Variants in WBP2NL observed in about 807,000 individuals in gnomAD.
WBP2NL encodes WBP2 N-terminal like.
A neutral mutation model predicts 23.3 loss-of-function variants in WBP2NL; 27 were observed. The observed-to-expected ratio is 1.16, with a 90% CI of 0.85 to 1.60. The LOEUF (loss-of-function observed/expected upper bound fraction) is 1.60. WBP2NL is among the 40% of genes most tolerant of loss of function. The pLI is 0.00. For synonymous variants in WBP2NL, 151 were observed against 145.9 expected, an observed-to-expected ratio of 1.03 and a Z score of -0.25; for missense variants, 370 against 389.5, an observed-to-expected ratio of 0.95 and a Z score of 0.42.
rs1051802687 is a variant in WBP2NL at position 41,998,797 on chromosome 22, G to A, written c.-22G>A. The A allele has an allele frequency of 1.2e-5, 19 of 1,605,144 alleles. No individual in the cohort carries two copies. In the East Asian group the frequency reaches 1.8e-4, roughly 15 times the overall value. Reference sequence around the variant, plus strand: ...GGTCCCGCCCCTTTCCATCTACGGGGCGGCAGGAGGCCCGAAGCAAGATGG... The same window carrying A: ...GGTCCCGCCCCTTTCCATCTACGGGACGGCAGGAGGCCCGAAGCAAGATGG... On this transcript the variant is annotated 5_prime_UTR_variant, in exon 1 of 6. Coordinates refer to ENST00000328823, the MANE Select transcript of WBP2NL (RefSeq NM_152613.3).
intron 8 of WBP2NL, among the ~76,000 whole-genome samples, chr22:42,056,003 C>T (rs1005937594): frequency 2.0e-5 from 3 of 148,812 alleles, no homozygotes; most frequent in African/African-American, 7.8e-5. Context: ...TGCATTCTGT[C>T]GATCTATGTT....
At chr22:42,043,943 T>C (rs564240190) in intron 8 of WBP2NL, among the ~76,000 whole-genome samples, 3 of 152,330 alleles carry the variant, frequency 2.0e-5, no homozygotes, top group African/African-American at 7.2e-5. Context: ...GCCAGGCTGG[T>C]CTTGAACTAC....
chr22:42,003,543 TA>T (rs1921914930), intron 1 of WBP2NL: 2 of 150,396 alleles, frequency 1.3e-5, no homozygotes, highest in Non-Finnish European at 2.9e-5. Flanking sequence ...AAATTTTTTT[TA>T]AAAAAAGAAA....
In WBP2NL at chr22:42,022,238, T is replaced by C. The variant is rs763061096; in HGVS notation, c.407-11T>C. 2 of 1,613,938 alleles carry C rather than the reference T, an allele frequency of 1.2e-6. No homozygotes were observed. The highest frequency in any genetic ancestry group is 4.5e-5 in the East Asian group (2 of 44,884). Reference sequence around the variant, plus strand: ...AAAAGAGTTCCTATTTTGCCAAATTTGTCTTTCCAGCTGCCCGAGGATTTC... The same window carrying C: ...AAAAGAGTTCCTATTTTGCCAAATTCGTCTTTCCAGCTGCCCGAGGATTTC... On this transcript the variant is annotated splice_polypyrimidine_tract_variant and intron_variant, in intron 4 of 5. Transcript: ENST00000328823.
At chr22:42,011,779 G>T (rs1367101405) in intron 1 of WBP2NL, among the ~76,000 whole-genome samples, 1 of 150,686 alleles carries the variant, frequency 6.6e-6, no homozygotes, top group Non-Finnish European at 1.5e-5. Flanking sequence ...TTTTCTTGTT[G>T]TTGTTGTTTT....
At chr22:42,004,899 G>C (rs1194192611) in intron 1 of WBP2NL, among the ~76,000 whole-genome samples, 1 of 151,752 alleles carries the variant, frequency 6.6e-6, no homozygotes, top group Non-Finnish European at 1.5e-5. Context: ...ATTCCAGCCT[G>C]GTCAACAAGA....
chr22:42,013,694 C>T (rs939590582), intron 1 of WBP2NL, among the ~76,000 whole-genome samples: 1 of 151,832 alleles, frequency 6.6e-6, no homozygotes, highest in East Asian at 1.9e-4. Context: ...ACTGCAGCCT[C>T]GACATCCCAG....
chr22:42,001,550 C>T lies in WBP2NL; in HGVS notation c.62+2670C>T, dbSNP rs1056119297. On this transcript the variant is annotated intron_variant, in intron 1 of 5. Coordinates refer to ENST00000328823, the MANE Select transcript of WBP2NL (RefSeq NM_152613.3). ...AGCTTTGCCCACATCAGCTGCTACA[C>T]GAGTATGGGCAAAATCAAGAGGGTA... 7.1e-6 allele frequency: 8 copies of T among 1,123,492 alleles called. No individual in the cohort carries two copies. The African/African-American group carries it at 7.7e-5, about 11-fold the overall frequency. 69.6% of individuals were successfully genotyped at this position (1,123,492 alleles called of 1,614,324 possible).
intron 1 of WBP2NL, among the ~76,000 whole-genome samples, chr22:42,012,848 T>C (rs1208449860): frequency 1.3e-5 from 2 of 151,748 alleles, no homozygotes. Flanking sequence ...AAAAATTAGT[T>C]GGGCGTGGTG....
chr22:42,001,235 C>T, intron 1 of WBP2NL: 1 of 699,552 alleles, frequency 1.4e-6, no homozygotes, highest in Non-Finnish European at 2.6e-6. Context: ...AGTTCCTTTG[C>T]ATCCTGACTG....
downstream of WBP2NL, among the ~76,000 whole-genome samples, chr22:42,035,743 T>G (rs1398879744): frequency 6.6e-6 from 1 of 152,206 alleles, no homozygotes; most frequent in African/African-American, 2.4e-5. Flanking sequence ...GACCATCACA[T>G]TCCAACTAAT....
intron 1 of WBP2NL, among the ~76,000 whole-genome samples, chr22:42,018,653 A>G (rs1398900364): frequency 6.6e-6 from 1 of 152,126 alleles, no homozygotes; most frequent in Non-Finnish European, 1.5e-5. Flanking sequence ...CTGCTGCCTT[A>G]CTTTCTTTAC....
chr22:42,028,102 A>G lies in WBP2NL; in HGVS notation c.*921A>G, dbSNP rs1057032219. On this transcript the variant is annotated 3_prime_UTR_variant, in exon 6 of 6. Coordinates refer to ENST00000328823, the MANE Select transcript of WBP2NL (RefSeq NM_152613.3). ...AAGATGCATGTGGGAAGATTTCATT[A>G]TATTCATTGTTTCTAACAGCACAAA... 2.0e-5 allele frequency: 8 copies of G among 398,410 alleles called. No individual in the cohort carries two copies. Among genetic ancestry groups the G allele is most frequent in the Non-Finnish European group, 3.1e-5 (7 of 226,018 alleles). The allele number at this position is 398,410 out of a possible 1,614,324, so 24.7% of individuals were successfully genotyped here. A position where few individuals can be genotyped will look rare whatever the true frequency, so the allele number is the denominator to read the frequency against.
At chr22:42,017,306 G>A (rs1923395143) in intron 1 of WBP2NL, among the ~76,000 whole-genome samples, 1 of 152,036 alleles carries the variant, frequency 6.6e-6, no homozygotes, top group Admixed American at 6.6e-5. Flanking sequence ...GTAGAGATGG[G>A]GTTTCACCAT....
At chr22:42,008,395 C>T (rs1469032936) in intron 1 of WBP2NL, among the ~76,000 whole-genome samples, 5 of 151,218 alleles carry the variant, frequency 3.3e-5, no homozygotes, top group South Asian at 2.1e-4. Flanking sequence ...TTAGTAGAGA[C>T]GGGGTTTCGC....
intron 1 of WBP2NL, among the ~76,000 whole-genome samples, chr22:42,018,069 A>C (rs1286119299): frequency 6.6e-6 from 1 of 151,568 alleles, no homozygotes; most frequent in Non-Finnish European, 1.5e-5. Context: ...GAATCGTTTG[A>C]ACCCGGGAGG....
chr22:42,037,459 A>ACT (rs1925227414), downstream of WBP2NL, among the ~76,000 whole-genome samples: 1 of 149,798 alleles, frequency 6.7e-6, no homozygotes, highest in Non-Finnish European at 1.5e-5. Context: ...GAATTTTAGG[A>ACT]TTTTTTTTTT....
At position 42,003,130 on chromosome 22, in the gene WBP2NL, C is replaced by G. The variant is rs192969159; in HGVS notation, c.62+4250C>G. 2.0e-5 allele frequency: 3 copies of G among 152,174 alleles called. No homozygotes were observed. In the Admixed American group the frequency reaches 2.0e-4, roughly 10 times the overall value. The allele number at this position is 152,174 out of a possible 1,614,324, so 9.4% of individuals were successfully genotyped here. On this transcript the variant is annotated intron_variant, in intron 1 of 5. Coordinates refer to ENST00000328823, the MANE Select transcript of WBP2NL (RefSeq NM_152613.3). ...CAGAGATCACGCCATTGCACTCCAG[C>G]CTGGGCAACAAGAGTGAAACTCCAT...
At chr22:42,018,149 A>G (rs1179260586) in intron 1 of WBP2NL, among the ~76,000 whole-genome samples, 1 of 58,112 alleles carries the variant, frequency 1.7e-5, no homozygotes, top group Non-Finnish European at 3.3e-5. Context: ...GACTTCTCTC[A>G]AAAAAAAAAA....
Sources: gnomAD v4.1 joint callset for allele counts (sites outside exome capture counted in the v4.1 genomes callset) on GRCh38, gnomAD v4.1.1 for gene constraint, MANE v1.5 for transcripts, NCBI Gene and HGNC (gene_info 2026-07-23, HGNC 2026-07-21) for gene names.